The following DIPK1A variants were observed in gnomAD, a reference collection of about 807,000 sequenced individuals.
DIPK1A encodes family with sequence similarity 69 member A.
A neutral mutation model predicts 40.8 loss-of-function variants in DIPK1A; 27 were observed. The observed-to-expected ratio is 0.66, with a 90% CI of 0.49 to 0.91. The LOEUF is 0.91. Among genes scored for constraint, DIPK1A ranks in the 40% least tolerant of loss-of-function variants. DIPK1A has a pLI of 0.00. For missense variants in DIPK1A, 412 were observed against 505.7 expected (o/e 0.81, Z 1.78); for synonymous variants, 166 against 171.3 (o/e 0.97, Z 0.24).
At chr1:92,954,697 C>T (rs1651776297) in intron 1 of DIPK1A, among the ~76,000 whole-genome samples, 1 of 152,066 alleles carries the variant, frequency 6.6e-6, no homozygotes, top group African/African-American at 2.4e-5. Context: ...CCTCTTCAAT[C>T]AGACAATGTA....
intron 1 of DIPK1A, among the ~76,000 whole-genome samples, chr1:92,920,126 A>C (rs1360105756): frequency 6.6e-6 from 1 of 152,194 alleles, no homozygotes; most frequent in Non-Finnish European, 1.5e-5. Context: ...GTAAAAAGAT[A>C]ATTACCATCT....
chr1:92,959,908 T>TTTTTTTTTTTTTTTTTTTTTG (rs1652001832), intron 1 of DIPK1A, among the ~76,000 whole-genome samples: 1 of 98,308 alleles, frequency 1.0e-5, no homozygotes, highest in Non-Finnish European at 2.1e-5. Context: ...ACCAACTTTT[T>TTTTTTTTTTTTTTTTTTTTTG]TTTTTTTTTT....
chr1:92,841,656 G>T (rs112571271), downstream of DIPK1A: 4,329 of 645,674 alleles, frequency 6.7e-3, 150 homozygotes, highest in African/African-American at 0.073. Flanking sequence ...CCTTCTGATT[G>T]CAAAGTCTTA....
intron 2 of DIPK1A, among the ~76,000 whole-genome samples, chr1:92,853,955 T>A (rs1687903633): frequency 6.6e-6 from 1 of 152,206 alleles, no homozygotes; most frequent in South Asian, 2.1e-4. Context: ...GGCACAATCA[T>A]GGCTCACCAC....
At position 92,928,005 on chromosome 1, in the gene DIPK1A, C is replaced by T. The variant is rs118135242; in HGVS notation, c.54+33371G>A. Among the ~76,000 whole-genome samples the T allele has an allele frequency of 6.9e-4, 105 of 152,264 alleles. 2 individuals are homozygous for T. The East Asian group carries it at 0.019, about 27-fold the overall frequency. Reference sequence around the variant, plus strand: ...GGGAACTGCTGGGTCTTGTGTAACTCTACATTTAACTTCTTAAAAACCTAC... The same window carrying T: ...GGGAACTGCTGGGTCTTGTGTAACTTTACATTTAACTTCTTAAAAACCTAC... On this transcript the variant is annotated intron_variant, in intron 1 of 4. Transcript: ENST00000370310.
intron 1 of DIPK1A, among the ~76,000 whole-genome samples, chr1:92,927,716 T>C (rs1329261421): frequency 6.6e-6 from 1 of 152,238 alleles, no homozygotes; most frequent in East Asian, 1.9e-4. Flanking sequence ...TAATACAATA[T>C]GTGGTCTTCT....
intron 1 of DIPK1A, among the ~76,000 whole-genome samples, chr1:92,883,809 A>T (rs913472999): frequency 6.6e-6 from 1 of 152,162 alleles, no homozygotes; most frequent in Admixed American, 6.5e-5. Flanking sequence ...GGACCACATA[A>T]GGGCATGACT....
rs756485891 is a variant in DIPK1A at position 92,834,932 on chromosome 1, T to G, written c.475-1898A>C. The G allele has an allele frequency of 5.6e-6, 9 of 1,600,094 alleles. No homozygotes were observed. The African/African-American group carries it at 1.1e-4, about 19-fold the overall frequency. On this transcript the variant is annotated intron_variant, in intron 4 of 4. Transcript: ENST00000615519. ...CCGCAGGGTATGTACAAGATGATTT[T>G]AATTGATGTAGTTTGTGGCTGATTG...
chr1:92,845,487 G>A (rs1306114313), intron 4 of DIPK1A: 6 of 348,910 alleles, frequency 1.7e-5, no homozygotes, highest in Admixed American at 4.4e-5. Flanking sequence ...TGGGCAACAT[G>A]GTGAAACCGT....
intron 1 of DIPK1A, among the ~76,000 whole-genome samples, chr1:92,878,546 C>T (rs1397906602): frequency 5.9e-5 from 9 of 151,986 alleles, no homozygotes; most frequent in Admixed American, 3.3e-4. Context: ...TTAGGCCAGG[C>T]GCAGTGGCTC....
chr1:92,903,097 C>T (rs144309614), intron 1 of DIPK1A, among the ~76,000 whole-genome samples: 11 of 152,172 alleles, frequency 7.2e-5, no homozygotes, highest in African/African-American at 2.4e-4. Flanking sequence ...CTCTATTGCC[C>T]AGGCTGGAAT....
intron 1 of DIPK1A, among the ~76,000 whole-genome samples, chr1:92,916,531 ACCTCAGGTGAT>A (rs1293572947): frequency 2.0e-5 from 3 of 152,064 alleles, no homozygotes; most frequent in Admixed American, 6.5e-5. Flanking sequence ...CGAACTCCTG[ACCTCAGGTGAT>A]CCACCTGCCT....
intron 4 of DIPK1A, chr1:92,833,597 T>C (rs1687001242): frequency 6.2e-7 from 1 of 1,612,942 alleles, no homozygotes; most frequent in East Asian, 2.2e-5. Context: ...AAGATAAAAA[T>C]AAATACAACA....
At chr1:92,840,719 GT>G (rs748708383), downstream of DIPK1A, 76 of 1,022,038 alleles carry the variant, frequency 7.4e-5, no homozygotes, top group African/African-American at 1.1e-3. Flanking sequence ...TGGTGTAATT[GT>G]GCAAACTCGA....
At chr1:92,869,071 G>T (rs1647706961) in intron 2 of DIPK1A, among the ~76,000 whole-genome samples, 1 of 151,464 alleles carries the variant, frequency 6.6e-6, no homozygotes, top group Admixed American at 6.6e-5. Flanking sequence ...TTAACTGACT[G>T]ATAGATACCT....
downstream of DIPK1A, chr1:92,837,423 G>A: frequency 6.3e-7 from 1 of 1,575,104 alleles, no homozygotes; most frequent in Non-Finnish European, 8.7e-7. Context: ...AGTTAAGTGA[G>A]TCTATACTAA....
chr1:92,880,393 G>A (rs1571085036), intron 1 of DIPK1A, among the ~76,000 whole-genome samples: 1 of 152,114 alleles, frequency 6.6e-6, no homozygotes, highest in South Asian at 2.1e-4. Context: ...GTAAGCCCAC[G>A]ATGACACAAA....
intron 1 of DIPK1A, among the ~76,000 whole-genome samples, chr1:92,900,524 G>T (rs1649365019): frequency 6.6e-6 from 1 of 151,986 alleles, no homozygotes; most frequent in African/African-American, 2.4e-5. Flanking sequence ...TGATTTCATT[G>T]TCTATCTGTA....
chr1:92,860,627 TAAA>T lies in DIPK1A; in HGVS notation c.190-9675_190-9673del, dbSNP rs796274250. 3.4e-3 allele frequency among the ~76,000 whole-genome samples: 38 copies of T among 11,074 alleles called. 1 individual carries two copies. The highest frequency in any genetic ancestry group is 7.7e-3 in the African/African-American group (35 of 4,528). 7.3% of individuals were successfully genotyped at this position (11,074 alleles called of 152,430 possible). ...CAACTTGGTGAAACCCAATTTCTAC[TAAA>T]AAAAAAAAAAAAAAAATGGTGGTGT... On this transcript the variant is annotated intron_variant, in intron 2 of 4. Transcript: ENST00000370310.
Sources: allele counts gnomAD v4.1 joint callset (sites outside exome capture counted in the v4.1 genomes callset), GRCh38; gene constraint gnomAD v4.1.1; transcripts MANE v1.5; gene names NCBI Gene and HGNC (gene_info 2026-07-23, HGNC 2026-07-21).